Variants in SEMA6C observed in about 807,000 individuals in gnomAD.
SEMA6C encodes semaphorin-6C.
SEMA6C carries 37 observed loss-of-function variants against 72.9 expected under a neutral mutation model. The ratio of observed to expected loss-of-function variants is 0.51; its 90% confidence interval spans 0.39 to 0.67. The LOEUF is 0.67. SEMA6C is among the 30% of genes least tolerant of loss of function. The probability of loss-of-function intolerance (pLI) is 0.00; values close to 1 mark genes in which losing one functional copy is unlikely to be tolerated. For synonymous variants in SEMA6C, 578 were observed against 554.1 expected (o/e 1.04, Z -0.61); for missense variants, 1,189 against 1,263.6 (o/e 0.94, Z 0.89).
Position 151,136,879 on chromosome 1 carries a change from C to T in SEMA6C, c.952G>A (p.Val318Ile), listed in dbSNP as rs756334268. 14 of 1,613,788 alleles carry T rather than the reference C, an allele frequency of 8.7e-6. No individual in the cohort carries two copies. The Admixed American group carries it at 1.3e-4, about 15-fold the overall frequency. ...AACCTATTGGTCTGGGTGGTGAAGA[C>T]CCCAAAGAGAGCAGAGCGGCCATGC... ...NLHGRSALFG[V>I]FTTQTNSIPG... Residue 318 changes from valine to isoleucine, a missense_variant, in exon 11 of 19, where the codon GTC (valine) becomes ATC (isoleucine). This residue lies in a region of SEMA6C where 468 missense variants were observed against 577.4 expected (regional missense o/e 0.81). Coordinates refer to ENST00000368914, the MANE Select transcript of SEMA6C (RefSeq NM_030913.6).
In SEMA6C at chr1:151,134,850, A is replaced by C; in HGVS notation, c.1606T>G (p.Tyr536Asp). 6.2e-7 allele frequency: 1 copy of C among 1,614,104 alleles called. No individual in the cohort carries two copies. Among genetic ancestry groups the C allele is most frequent in the African/African-American group, 1.3e-5 (1 of 75,034 alleles). ...CCCCTGGAGCTATGCCATCCACAGT[A>C]TGGGTCCTGAGAAGCCAAACAGCTC... ...QRSCLASQDP[Y>D]CGWHSSRGCV... The change falls in exon 16 of 19, where the codon TAC (tyrosine) becomes GAC (aspartate). Residue 536 changes from tyrosine (Y) to aspartate (D), a missense_variant. Transcript: ENST00000368914.
chr1:151,134,444 A>G lies in SEMA6C; in HGVS notation c.1716T>C (p.Asp572=), dbSNP rs1681842431. 3.1e-6 allele frequency: 5 copies of G among 1,603,046 alleles called. No individual in the cohort carries two copies. The highest frequency in any genetic ancestry group is 4.3e-6 in the Non-Finnish European group (5 of 1,174,460). Residue 572 remains aspartate, a splice_region_variant and synonymous_variant, in exon 18 of 19, where the codon GAT becomes GAC. Coordinates refer to ENST00000368914, the MANE Select transcript of SEMA6C (RefSeq NM_030913.6). ...QESMEHGDCQ[D]GATGSQSGPG... is the part of the protein sequence containing the mutation. ...GGCCAGACTGACTCCCAGTAGCTCC[A>G]TCTATGAAGAAGGGACAGGGTGAAG...
rs776765928 is a variant in SEMA6C, at chr1:151,140,088, T to C, written c.121A>G (p.Thr41Ala). 27 of 1,612,834 alleles carry C rather than the reference T, an allele frequency of 1.7e-5. No individual in the cohort carries two copies. In the South Asian group the frequency reaches 2.9e-4, roughly 17 times the overall value. The stretch of plus-strand genomic sequence containing the variant: ...CCCCGAAACCAGGATAATGGGGAAG[T>C]ACCTTGAGGACACAGAGAGATAGGA... ...LPLLISDLQG[T>A]SPLSWFRGLE... is the part of the protein sequence containing the mutation. Residue 41 changes from threonine to alanine, a missense_variant and splice_region_variant, in exon 4 of 19, where the codon ACT (threonine) becomes GCT (alanine). Physicochemically the swap from Thr to Ala is moderately conservative, Grantham distance 58. This residue lies in a region of SEMA6C where 468 missense variants were observed against 577.4 expected (regional missense o/e 0.81). Coordinates refer to ENST00000368914, the MANE Select transcript of SEMA6C (RefSeq NM_030913.6).
chr1:151,133,138 G>C lies in SEMA6C; in HGVS notation c.2139C>G (p.Arg713=). The C allele has an allele frequency of 6.4e-7, 1 of 1,560,544 alleles. No individual in the cohort carries two copies. Among genetic ancestry groups the C allele is most frequent in the Non-Finnish European group, 8.6e-7 (1 of 1,165,332 alleles). ...TCCACTCCCAGGGGTCCCCGGCGGC[G>C]CGGAGGTGCTTGACCGGCAGCTCCG... ...STPELPVKHL[R]AAGDPWEWNQ... Residue 713 remains arginine (R), a synonymous_variant, in exon 19 of 19, where the codon CGC becomes CGG. Coordinates refer to ENST00000368914, the MANE Select transcript of SEMA6C (RefSeq NM_030913.6). This position sits in a 1 kb window ranked among gnomAD's most constrained non-coding sequence, Gnocchi z 5.9.
rs769932275 is a variant in SEMA6C at position 151,132,448 on chromosome 1, G to A, written c.*36C>T. On this transcript the variant is annotated 3_prime_UTR_variant, in exon 19 of 19. Transcript: ENST00000368914. ...TCCAGCTCGTGGCCGAGAGGACTCG[G>A]GCGCTCCCCACGCTGGAGGCCGTGG... is the stretch of plus-strand genomic sequence containing the variant. 1 of 1,536,022 alleles carries A rather than the reference G, an allele frequency of 6.5e-7. No homozygotes were observed. The highest frequency in any genetic ancestry group is 1.2e-5 in the South Asian group (1 of 82,582).
chr1:151,138,148 T>C, intron 8 of SEMA6C, 43 bp from the exon 9 acceptor site: 1 of 1,607,472 alleles, frequency 6.2e-7, no homozygotes, highest in South Asian at 1.1e-5. Flanking sequence ...GGCTCAGGGA[T>C]CTGTATCCTG....
At position 151,133,128 on chromosome 1, in the gene SEMA6C, C is replaced by A; in HGVS notation, c.2149G>T (p.Asp717Tyr). The A allele has an allele frequency of 6.4e-7, 1 of 1,562,616 alleles. No individual in the cohort carries two copies. Among genetic ancestry groups the A allele is most frequent in the African/African-American group, 1.4e-5 (1 of 71,652 alleles). Residue 717 changes from aspartate to tyrosine, a missense_variant, in exon 19 of 19, where the codon GAC (aspartate) becomes TAC (tyrosine). Coordinates refer to ENST00000368914, the MANE Select transcript of SEMA6C (RefSeq NM_030913.6). The surrounding 1 kb of genome is among the most constrained non-coding windows in gnomAD (Gnocchi z 5.9). ...CTGTTCTGGTTCCACTCCCAGGGGT[C>A]CCCGGCGGCGCGGAGGTGCTTGACC... ...LPVKHLRAAG[D>Y]PWEWNQNRNN...
At chr1:151,138,463 T>C (rs1274715212) in intron 7 of SEMA6C, 57 bp from the exon 8 acceptor site, 1 of 1,535,652 alleles carries the variant, frequency 6.5e-7, no homozygotes, top group Non-Finnish European at 8.9e-7. Flanking sequence ...TCTGGCTCCA[T>C]AGCCTATTCC....
intron 10 of SEMA6C, 42 bp downstream of exon 10, chr1:151,137,666 CCAG>C: frequency 6.6e-7 from 1 of 1,510,790 alleles, no homozygotes; most frequent in Non-Finnish European, 9.1e-7. Flanking sequence ...TCCTCAGGAT[CCAG>C]CAGAACCCTC....
At chr1:151,140,890 C>T (rs1327742569) in intron 3 of SEMA6C, among the ~76,000 whole-genome samples, 1 of 151,624 alleles carries the variant, frequency 6.6e-6, no homozygotes, top group Non-Finnish European at 1.5e-5. Context: ...CCCAGCTACT[C>T]GGGAGGCTGA....
At chr1:151,142,149 G>A (rs948780116) in intron 3 of SEMA6C, among the ~76,000 whole-genome samples, 3 of 150,976 alleles carry the variant, frequency 2.0e-5, no homozygotes, top group African/African-American at 4.9e-5. Context: ...CCATTCTCCC[G>A]CCTCAGCCTC....
Position 151,133,131 on chromosome 1 carries a change from C to G in SEMA6C, c.2146G>C (p.Gly716Arg). Residue 716 changes from glycine to arginine, a missense_variant, in exon 19 of 19, where the codon GGG (glycine) becomes CGG (arginine). Coordinates refer to ENST00000368914, the MANE Select transcript of SEMA6C (RefSeq NM_030913.6). The surrounding 1 kb of genome is among the most constrained non-coding windows in gnomAD (Gnocchi z 5.9). Reference protein sequence around the residue: ...ELPVKHLRAAGDPWEWNQNRN... With the variant: ...ELPVKHLRAARDPWEWNQNRN... ...TTCTGGTTCCACTCCCAGGGGTCCC[C>G]GGCGGCGCGGAGGTGCTTGACCGGC... 6.4e-7 allele frequency: 1 copy of G among 1,561,118 alleles called. No individual in the cohort carries two copies. Among genetic ancestry groups the G allele is most frequent in the East Asian group, 2.3e-5 (1 of 42,804 alleles).
intron 18 of SEMA6C, 87 bp downstream of exon 18, chr1:151,134,314 A>C (rs1229830223): frequency 1.5e-6 from 2 of 1,301,178 alleles, no homozygotes; most frequent in Non-Finnish European, 2.2e-6. Flanking sequence ...CAGGGTATTC[A>C]GAATGCTGCT....
In SEMA6C at chr1:151,132,430, C is replaced by G; in HGVS notation, c.*54G>C. 6.6e-7 allele frequency: 1 copy of G among 1,526,330 alleles called. No individual in the cohort carries two copies. Among genetic ancestry groups the G allele is most frequent in the South Asian group, 1.2e-5 (1 of 80,992 alleles). The allele number at this position is 1,526,330 out of a possible 1,614,324, so 94.5% of individuals were successfully genotyped here. A position where few individuals can be genotyped will look rare whatever the true frequency, so the allele number is the denominator to read the frequency against. On this transcript the variant is annotated 3_prime_UTR_variant, in exon 19 of 19. Transcript: ENST00000368914. ...GAAACGTCCTGAAGAGCGTCCAGCT[C>G]GTGGCCGAGAGGACTCGGGCGCTCC...
chr1:151,139,838 C>T (rs1309175655), intron 4 of SEMA6C, 137 bp from the exon 5 acceptor site: 1 of 1,228,834 alleles, frequency 8.1e-7, no homozygotes, highest in Non-Finnish European at 1.2e-6. Context: ...CATTTGTGCT[C>T]TGGGTCCAAG....
At position 151,133,451 on chromosome 1, in the gene SEMA6C, C is replaced by T. The variant is rs1190990070; in HGVS notation, c.1826G>A (p.Ser609Asn). 2.6e-6 allele frequency: 4 copies of T among 1,565,938 alleles called. No homozygotes were observed. In the Admixed American group the frequency reaches 7.2e-5, roughly 28 times the overall value. ...RSVPIPLLLA[S>N]VAAAFALGAS... Reference sequence around the variant, plus strand: ...GCCCAGGGCAAAAGCTGCGGCCACACTGGCCAGGAGGAGTGGGATGGGGAC... The same window carrying T: ...GCCCAGGGCAAAAGCTGCGGCCACATTGGCCAGGAGGAGTGGGATGGGGAC... Residue 609 changes from serine to asparagine, a missense_variant, in exon 19 of 19, where the codon AGT (serine) becomes AAT (asparagine). Transcript: ENST00000368914. The surrounding 1 kb of genome is among the most constrained non-coding windows in gnomAD (Gnocchi z 5.9).
At chr1:151,136,698 AGCC>A in intron 11 of SEMA6C, 119 bp from the exon 12 acceptor site, 2 of 1,419,640 alleles carry the variant, frequency 1.4e-6, no homozygotes, top group Non-Finnish European at 1.9e-6. Context: ...GAGGTGGGGC[AGCC>A]ACTGGGTGCC....
Position 151,136,152 on chromosome 1 carries a change from C to A in SEMA6C, c.1118G>T (p.Cys373Phe), listed in dbSNP as rs747151220. The A allele has an allele frequency of 1.2e-6, 2 of 1,613,788 alleles. No homozygotes were observed. Among genetic ancestry groups the A allele is most frequent in the East Asian group, 4.5e-5 (2 of 44,872 alleles). ...CAAGGCAGCTCCCCCTACTCCTGCA[C>A]AGGATCCTGGCCTGGTGGGTGAATG... is the stretch of plus-strand genomic sequence containing the variant. ...DRVPSPRPGS[C>F]AGVGGAALFS... Residue 373 changes from cysteine (C) to phenylalanine (F), a missense_variant, in exon 13 of 19, where the codon TGT (cysteine) becomes TTT (phenylalanine). This residue lies in a region of SEMA6C where 468 missense variants were observed against 577.4 expected (regional missense o/e 0.81). Coordinates refer to ENST00000368914, the MANE Select transcript of SEMA6C (RefSeq NM_030913.6).
At position 151,139,709 on chromosome 1, in the gene SEMA6C, G is replaced by T. The variant is rs753488183; in HGVS notation, c.234-8C>A. The T allele has an allele frequency of 1.9e-6, 3 of 1,595,570 alleles. No individual in the cohort carries two copies. The highest frequency in any genetic ancestry group is 2.6e-6 in the Non-Finnish European group (3 of 1,167,934). ...AAGGAGAAAACGTGATCCCTGAGGG[G>T]GTAGGTAAGGAGGGGTCAGAGCCTA... On this transcript the variant is annotated splice_polypyrimidine_tract_variant and splice_region_variant and intron_variant, in intron 4 of 18. Transcript: ENST00000368914.
Sources: allele counts gnomAD v4.1 joint callset (sites outside exome capture counted in the v4.1 genomes callset), GRCh38; gene constraint gnomAD v4.1.1; regional missense constraint gnomAD v4.1.1; non-coding constraint Gnocchi (gnomAD v3.1); transcripts MANE v1.5; gene names NCBI Gene and HGNC (gene_info 2026-07-23, HGNC 2026-07-21).